PCDH9: variants seen among roughly 807,000 people sequenced by gnomAD.
PCDH9 encodes the protein protocadherin 9, also known as protocadherin-9.
Under a neutral mutation model 70.6 loss-of-function variants are expected in PCDH9, and 24 were observed. The observed-to-expected ratio is 0.34, with a 90% CI of 0.25 to 0.48. The LOEUF is 0.48. Ranked by LOEUF, PCDH9 falls within the 20% of genes least tolerant of loss-of-function variation. The pLI, the probability that PCDH9 is intolerant of heterozygous loss-of-function variation, is 0.99. For synonymous variants in PCDH9, 562 were observed against 558.5 expected (o/e 1.01, Z -0.09); for missense variants, 1,281 against 1,503.6 (o/e 0.85, Z 2.45).
intron 4 of PCDH9, among the ~76,000 whole-genome samples, chr13:66,408,840 C>G (rs181780590): frequency 1.3e-5 from 2 of 151,872 alleles, no homozygotes; most frequent in Admixed American, 6.6e-5. Context: ...ATTACTATTT[C>G]TTTTTCACTT....
chr13:66,847,507 TAAC>T (rs2081232706), intron 3 of PCDH9, among the ~76,000 whole-genome samples: 1 of 152,228 alleles, frequency 6.6e-6, no homozygotes, highest in South Asian at 2.1e-4. Context: ...TAGAAAATTC[TAAC>T]AACATACAGT....
At chr13:66,866,189 T>C (rs2139493041) in intron 3 of PCDH9, among the ~76,000 whole-genome samples, 1 of 152,276 alleles carries the variant, frequency 6.6e-6, no homozygotes, top group South Asian at 2.1e-4. Flanking sequence ...GACAAAAATG[T>C]AAAACTTGCT....
intron 3 of PCDH9, among the ~76,000 whole-genome samples, chr13:66,861,258 G>A (rs187088289): frequency 1.8e-4 from 28 of 152,288 alleles, no homozygotes; most frequent in Non-Finnish European, 5.9e-5. Flanking sequence ...CAGTGCCAAG[G>A]CAATCACATG....
intron 3 of PCDH9, among the ~76,000 whole-genome samples, chr13:66,829,297 G>A (rs1342706420): frequency 6.6e-6 from 1 of 152,110 alleles, no homozygotes; most frequent in Non-Finnish European, 1.5e-5. Context: ...GATTACAGGC[G>A]TGAGCCATCG....
At chr13:66,876,778 A>G (rs1298493668) in intron 3 of PCDH9, 1 of 152,142 alleles carries the variant, frequency 6.6e-6, no homozygotes, top group Non-Finnish European at 1.5e-5. Context: ...CCTTATAGTA[A>G]AGAAAATCTG....
intron 4 of PCDH9, among the ~76,000 whole-genome samples, chr13:66,413,151 T>C (rs968183263): frequency 7.2e-5 from 11 of 152,212 alleles, no homozygotes; most frequent in Admixed American, 7.2e-4. Flanking sequence ...TCCCTCTCTT[T>C]CCATAACTTG....
chr13:66,599,848 T>G (rs1195521731), intron 4 of PCDH9, among the ~76,000 whole-genome samples: 4 of 151,878 alleles, frequency 2.6e-5, no homozygotes, highest in Non-Finnish European at 5.9e-5. Flanking sequence ...CTTTAAGAAC[T>G]TCAAAGTTTT....
rs145486394 is a variant in PCDH9, at chr13:66,360,232, A to G, written c.3341-55204T>C. 3.9e-3 allele frequency among the ~76,000 whole-genome samples: 592 copies of G among 152,218 alleles called. 3 individuals carry two copies. The highest frequency in any genetic ancestry group is 0.013 in the African/African-American group (551 of 41,564). ...CATTGAAAAGACATGCTGCTAAAATAAGAAATATATAGATAGCAGTAGTTT... is the reference window on the plus strand; with the variant it reads ...CATTGAAAAGACATGCTGCTAAAATGAGAAATATATAGATAGCAGTAGTTT... On this transcript the variant is annotated intron_variant, in intron 4 of 4. Transcript: ENST00000377865.
chr13:66,930,725 A>G (rs888167258), intron 2 of PCDH9, among the ~76,000 whole-genome samples: 2 of 152,134 alleles, frequency 1.3e-5, no homozygotes, highest in Non-Finnish European at 2.9e-5. Context: ...GGTAGCTTAC[A>G]TCTAGAAAAA....
intron 4 of PCDH9, among the ~76,000 whole-genome samples, chr13:66,511,490 C>T (rs1450672959): frequency 1.3e-5 from 2 of 151,278 alleles, no homozygotes; most frequent in Non-Finnish European, 2.9e-5. Context: ...TTGCAAGTGC[C>T]CAATAAAGGA....
chr13:66,751,144 T>C (rs2079451599), intron 3 of PCDH9, among the ~76,000 whole-genome samples: 3 of 152,170 alleles, frequency 2.0e-5, no homozygotes, highest in Admixed American at 6.6e-5. Flanking sequence ...TTCCTTAGCA[T>C]CTATATTTCA....
At chr13:67,016,933 G>C (rs1454964584) in intron 2 of PCDH9, among the ~76,000 whole-genome samples, 3 of 152,044 alleles carry the variant, frequency 2.0e-5, no homozygotes, top group Non-Finnish European at 4.4e-5. Flanking sequence ...CACCCATTAA[G>C]TGCTCAATGA....
chr13:66,380,638 G>T (rs1383546603), intron 4 of PCDH9, among the ~76,000 whole-genome samples: 2 of 148,876 alleles, frequency 1.3e-5, no homozygotes, highest in Non-Finnish European at 3.0e-5. Flanking sequence ...CCGCCTCCCG[G>T]GTTCACGCCA....
rs1228605944 is a variant in PCDH9, at chr13:67,019,062, T to A, written c.3037-115457A>T. On this transcript the variant is annotated intron_variant, in intron 2 of 4. Coordinates refer to ENST00000377865, the MANE Select transcript of PCDH9 (RefSeq NM_203487.3). ...TTCATGTTATTATTTTCTCAGAAGT[T>A]TTCTTCTTCCACTGCTTGAAATGTC... 2.0e-5 allele frequency among the ~76,000 whole-genome samples: 3 copies of A among 152,062 alleles called. No homozygotes were observed. The South Asian group carries it at 6.2e-4, about 32-fold the overall frequency.
At chr13:66,716,013 T>C (rs938898140) in intron 3 of PCDH9, among the ~76,000 whole-genome samples, 1 of 152,174 alleles carries the variant, frequency 6.6e-6, no homozygotes, top group Non-Finnish European at 1.5e-5. Context: ...CCACTCCAAT[T>C]GTGGTTGGAA....
At chr13:67,012,566 C>T (rs1355912934) in intron 2 of PCDH9, among the ~76,000 whole-genome samples, 1 of 151,886 alleles carries the variant, frequency 6.6e-6, no homozygotes, top group African/African-American at 2.4e-5. Context: ...CATTGTTCCA[C>T]CCAGTTAATA....
chr13:66,583,093 A>G (rs560757897), intron 4 of PCDH9, among the ~76,000 whole-genome samples: 31 of 134,672 alleles, frequency 2.3e-4, no homozygotes, highest in African/African-American at 7.7e-4. Flanking sequence ...TTGAAATTGT[A>G]TGTGCATGCT....
At chr13:66,409,984 T>G (rs1267879691) in intron 4 of PCDH9, among the ~76,000 whole-genome samples, 1 of 152,220 alleles carries the variant, frequency 6.6e-6, no homozygotes, top group Non-Finnish European at 1.5e-5. Context: ...CAGGAAAGAA[T>G]GAGCTTTGTC....
At chr13:66,640,682 A>G (rs1453211260) in intron 3 of PCDH9, among the ~76,000 whole-genome samples, 3 of 152,196 alleles carry the variant, frequency 2.0e-5, no homozygotes, top group African/African-American at 2.4e-5. Context: ...ATTCCAAGTT[A>G]GAGAATGAAA....
Sources: allele counts gnomAD v4.1 joint callset (sites outside exome capture counted in the v4.1 genomes callset), GRCh38; gene constraint gnomAD v4.1.1; transcripts MANE v1.5; gene names NCBI Gene and HGNC (gene_info 2026-07-23, HGNC 2026-07-21).